Variants in DEPTOR observed in about 807,000 individuals in gnomAD.
The protein encoded by DEPTOR is DEP domain containing MTOR interacting protein.
In DEPTOR, 41 loss-of-function variants were observed where a neutral mutation model predicts 41.6. That is an observed-to-expected ratio of 0.98 (90% CI 0.77 to 1.28). The LOEUF (loss-of-function observed/expected upper bound fraction) is 1.28, where lower values mean the gene tolerates loss of function less well. DEPTOR is among the 50% of genes most tolerant of loss of function. The pLI, the probability that DEPTOR is intolerant of heterozygous loss-of-function variation, is 0.00. For missense variants in DEPTOR, 514 were observed against 527.9 expected, an observed-to-expected ratio of 0.97 and a Z score of 0.26; for synonymous variants, 195 against 192.3, an observed-to-expected ratio of 1.01 and a Z score of -0.12.
At chr8:119,956,662 A>G (rs1439382305) in intron 3 of DEPTOR, among the ~76,000 whole-genome samples, 2 of 149,202 alleles carry the variant, frequency 1.3e-5, no homozygotes, top group Non-Finnish European at 3.0e-5. Flanking sequence ...ATAGTGCCAA[A>G]GTCTCTTGAT....
intron 6 of DEPTOR, among the ~76,000 whole-genome samples, chr8:120,003,343 G>A (rs978016764): frequency 6.6e-6 from 1 of 152,190 alleles, no homozygotes; most frequent in African/African-American, 2.4e-5. Flanking sequence ...GACCTCTGGA[G>A]CTGGGATGGC....
chr8:119,890,638 C>T (rs1429757262), intron 1 of DEPTOR, among the ~76,000 whole-genome samples: 2 of 152,090 alleles, frequency 1.3e-5, no homozygotes, highest in Non-Finnish European at 2.9e-5. Context: ...ACAATTCAGT[C>T]ATTTGTTAAA....
chr8:119,974,235 T>TA (rs35885551), intron 4 of DEPTOR, among the ~76,000 whole-genome samples: 1,851 of 74,958 alleles, frequency 0.025, 49 homozygotes, highest in Non-Finnish European at 0.038. Flanking sequence ...CTTGTCTCTT[T>TA]AAAAAAAAAA....
chr8:119,875,305 G>A (rs1257226987), intron 1 of DEPTOR, among the ~76,000 whole-genome samples: 1 of 152,106 alleles, frequency 6.6e-6, no homozygotes, highest in African/African-American at 2.4e-5. Context: ...GATGGGGAAG[G>A]GGTTGTTTTA....
intron 1 of DEPTOR, among the ~76,000 whole-genome samples, chr8:119,879,485 G>T (rs1827271404): frequency 6.6e-6 from 1 of 152,202 alleles, no homozygotes; most frequent in Admixed American, 6.5e-5. Flanking sequence ...GCTAAGGTGG[G>T]TGGATCACCT....
intron 3 of DEPTOR, among the ~76,000 whole-genome samples, chr8:119,961,027 A>C (rs1828483507): frequency 6.6e-6 from 1 of 151,998 alleles, no homozygotes; most frequent in South Asian, 2.1e-4. Flanking sequence ...TTACATCTCA[A>C]AGTTATTAAG....
At chr8:120,010,421 C>G (rs1375488183) in intron 8 of DEPTOR, among the ~76,000 whole-genome samples, 1 of 151,962 alleles carries the variant, frequency 6.6e-6, no homozygotes, top group Admixed American at 6.6e-5. Flanking sequence ...TCAAGACCAG[C>G]CTGACCAACA....
At chr8:120,028,941 C>G (rs1229259250) in intron 8 of DEPTOR, among the ~76,000 whole-genome samples, 2 of 151,794 alleles carry the variant, frequency 1.3e-5, no homozygotes, top group Non-Finnish European at 2.9e-5. Flanking sequence ...AAAAACTAGC[C>G]AGACGTGATG....
chr8:119,922,425 G>T (rs1479675462), intron 1 of DEPTOR, among the ~76,000 whole-genome samples: 1 of 152,016 alleles, frequency 6.6e-6, no homozygotes, highest in Non-Finnish European at 1.5e-5. Context: ...ATTCCTGACA[G>T]ACATCACATC....
chr8:119,958,811 C>T (rs1828451749), intron 3 of DEPTOR, among the ~76,000 whole-genome samples: 1 of 151,634 alleles, frequency 6.6e-6, no homozygotes, highest in African/African-American at 2.4e-5. Flanking sequence ...AGAAGAATAA[C>T]CTCACTTTCA....
chr8:119,885,842 C>A (rs765497790), intron 1 of DEPTOR, among the ~76,000 whole-genome samples: 1 of 152,068 alleles, frequency 6.6e-6, no homozygotes, highest in Non-Finnish European at 1.5e-5. Flanking sequence ...CTCCCTCTAT[C>A]CATCTGTCAA....
intron 4 of DEPTOR, among the ~76,000 whole-genome samples, chr8:119,969,231 C>T (rs1828602171): frequency 6.6e-6 from 1 of 152,026 alleles, no homozygotes; most frequent in Admixed American, 6.6e-5. Flanking sequence ...AAATGATTTC[C>T]AAGGGATAAG....
At chr8:119,982,596 G>A (rs2068140772) in intron 4 of DEPTOR, among the ~76,000 whole-genome samples, 1 of 152,186 alleles carries the variant, frequency 6.6e-6, no homozygotes, top group Non-Finnish European at 1.5e-5. Flanking sequence ...TTTAAGCAGT[G>A]AGGTTTCTCT....
intron 1 of DEPTOR, among the ~76,000 whole-genome samples, chr8:119,894,919 C>T (rs1038416230): frequency 6.6e-6 from 1 of 152,136 alleles, no homozygotes; most frequent in Non-Finnish European, 1.5e-5. Context: ...AATTTGCATA[C>T]ATTAGAAGGT....
chr8:120,036,935 G>C (rs931217326), intron 8 of DEPTOR, among the ~76,000 whole-genome samples: 4 of 152,178 alleles, frequency 2.6e-5, no homozygotes, highest in African/African-American at 9.7e-5. Context: ...GTCCTTGGGA[G>C]GTTCTCTTAG....
At chr8:119,880,739 A>G (rs1827288129) in intron 1 of DEPTOR, among the ~76,000 whole-genome samples, 1 of 152,212 alleles carries the variant, frequency 6.6e-6, no homozygotes, top group African/African-American at 2.4e-5. Flanking sequence ...TTAAAAAGTG[A>G]ATTTGGACTC....
intron 1 of DEPTOR, among the ~76,000 whole-genome samples, chr8:119,881,783 T>C (rs1827300548): frequency 6.6e-6 from 1 of 152,186 alleles, no homozygotes; most frequent in African/African-American, 2.4e-5. Flanking sequence ...TTACTGCCTA[T>C]ACAGATTTTT....
At chr8:119,998,383 G>T (rs752850802) in intron 4 of DEPTOR, among the ~76,000 whole-genome samples, 2 of 152,198 alleles carry the variant, frequency 1.3e-5, no homozygotes, top group Non-Finnish European at 2.9e-5. Context: ...ACCGCACCTG[G>T]CCTCATTGTG....
intron 4 of DEPTOR, among the ~76,000 whole-genome samples, chr8:119,993,505 G>A (rs1812207236): frequency 1.3e-5 from 2 of 152,190 alleles, no homozygotes; most frequent in African/African-American, 4.8e-5. Flanking sequence ...CAACTGGTAA[G>A]ATCACAACTG....
Sources: gnomAD v4.1 joint callset for allele counts (sites outside exome capture counted in the v4.1 genomes callset) on GRCh38, gnomAD v4.1.1 for gene constraint, MANE v1.5 for transcripts, NCBI Gene and HGNC (gene_info 2026-07-23, HGNC 2026-07-21) for gene names.